Variants in VWC2 observed in about 807,000 individuals in gnomAD.
The protein encoded by VWC2 is von Willebrand factor C domain containing 2.
VWC2 carries 14 observed loss-of-function variants against 29.8 expected under a neutral mutation model. The ratio of observed to expected loss-of-function variants is 0.47; its 90% CI spans 0.31 to 0.74. The LOEUF is 0.74. VWC2 is among the 30% of genes least tolerant of loss of function. The pLI is 0.05. For synonymous variants in VWC2, 213 were observed against 199.0 expected (o/e 1.07, Z -0.59); for missense variants, 457 against 459.8 (o/e 0.99, Z 0.05).
At chr7:49,813,504 G>A (rs903298371) in intron 3 of VWC2, among the ~76,000 whole-genome samples, 4 of 152,086 alleles carry the variant, frequency 2.6e-5, no homozygotes, top group African/African-American at 2.4e-5. Flanking sequence ...CACTGCTTTC[G>A]GGCACTCACT....
At chr7:49,819,017 G>A (rs555402233) in intron 3 of VWC2, among the ~76,000 whole-genome samples, 5 of 152,104 alleles carry the variant, frequency 3.3e-5, no homozygotes, top group African/African-American at 7.2e-5. Context: ...CCCAAACTTC[G>A]CTTATCTCCT....
rs747598091 is a variant in VWC2, at chr7:49,827,071, CAA to C, written c.826+24232_826+24233del. 4.6e-5 allele frequency among the ~76,000 whole-genome samples: 7 copies of C among 152,024 alleles called. No homozygotes were observed. In the East Asian group the frequency reaches 5.8e-4, roughly 13 times the overall value. On this transcript the variant is annotated intron_variant, in intron 3 of 3. Coordinates refer to ENST00000340652, the MANE Select transcript of VWC2 (RefSeq NM_198570.5). ...ACACATTTCATTTTCATAATATTCC[CAA>C]GTTTTTACATATGCTTATTACAATT... is the stretch of plus-strand genomic sequence containing the variant.
At chr7:49,821,007 C>T (rs79141172) in intron 3 of VWC2, among the ~76,000 whole-genome samples, 1,846 of 152,260 alleles carry the variant, frequency 0.012, 29 homozygotes, top group African/African-American at 0.042. Flanking sequence ...CTGCCCAGCC[C>T]TCCCCGCCCA....
intron 2 of VWC2, among the ~76,000 whole-genome samples, chr7:49,778,041 A>T (rs1364833483): frequency 1.3e-5 from 2 of 150,778 alleles, no homozygotes; most frequent in Non-Finnish European, 1.5e-5. Context: ...TAGCACTTTG[A>T]TCTAGTAAGC....
At chr7:49,833,233 T>C (rs1789576698) in intron 3 of VWC2, among the ~76,000 whole-genome samples, 1 of 152,268 alleles carries the variant, frequency 6.6e-6, no homozygotes, top group Admixed American at 6.5e-5. Context: ...TGGAGGGAGA[T>C]GCAGAGTTCA....
intron 3 of VWC2, among the ~76,000 whole-genome samples, chr7:49,829,552 T>A (rs1789479820): frequency 6.6e-6 from 1 of 152,248 alleles, no homozygotes; most frequent in Admixed American, 6.5e-5. Context: ...GGGAAAGGGC[T>A]GATGTTTGGC....
At chr7:49,843,534 A>C (rs1239298881) in intron 3 of VWC2, among the ~76,000 whole-genome samples, 1 of 152,246 alleles carries the variant, frequency 6.6e-6, no homozygotes, top group African/African-American at 2.4e-5. Flanking sequence ...TATTTTACTC[A>C]AGTAAAAAAC....
At chr7:49,896,318 G>A (rs1490326654) in intron 3 of VWC2, among the ~76,000 whole-genome samples, 1 of 152,168 alleles carries the variant, frequency 6.6e-6, no homozygotes, top group Non-Finnish European at 1.5e-5. Flanking sequence ...TCTACCCTGA[G>A]TGAAAGAGCA....
rs1249911270 is a variant in VWC2 at position 49,912,851 on chromosome 7, G to A, written c.*666G>A. 3 of 152,144 alleles carry A rather than the reference G, an allele frequency of 2.0e-5. No homozygotes were observed. The highest frequency in any genetic ancestry group is 2.0e-4 in the Admixed American group (3 of 15,268). 9.4% of individuals were successfully genotyped at this position (152,144 alleles called of 1,614,324 possible). A position where few individuals can be genotyped will look rare whatever the true frequency, so the allele number is the denominator to read the frequency against. ...TCTCAGTTCTTTCCCCTAAGCTCCT[G>A]TATTGTACACCATAGGTAAGCACAT... On this transcript the variant is annotated 3_prime_UTR_variant, in exon 4 of 4. Coordinates refer to ENST00000340652, the MANE Select transcript of VWC2 (RefSeq NM_198570.5).
chr7:49,871,116 T>G (rs1208106797), intron 3 of VWC2, among the ~76,000 whole-genome samples: 1 of 152,168 alleles, frequency 6.6e-6, no homozygotes, highest in Non-Finnish European at 1.5e-5. Context: ...AAGTAGTATT[T>G]CATAAATACA....
intron 3 of VWC2, among the ~76,000 whole-genome samples, chr7:49,844,342 A>G (rs1270881974): frequency 6.6e-6 from 1 of 152,208 alleles, no homozygotes; most frequent in African/African-American, 2.4e-5. Flanking sequence ...TTAAGTTACT[A>G]AACTTTCCAT....
intron 3 of VWC2, among the ~76,000 whole-genome samples, chr7:49,889,281 A>G (rs912803651): frequency 2.3e-4 from 35 of 152,190 alleles, no homozygotes; most frequent in Admixed American, 1.6e-3. Context: ...TCAAGATGCT[A>G]CTTAGGCTTC....
intron 3 of VWC2, among the ~76,000 whole-genome samples, chr7:49,819,649 C>T (rs535523885): frequency 2.6e-5 from 4 of 152,250 alleles, no homozygotes; most frequent in Non-Finnish European, 5.9e-5. Flanking sequence ...GAGTAGTTCT[C>T]AAAGAGGTGG....
chr7:49,780,000 C>T (rs76104901), intron 2 of VWC2, among the ~76,000 whole-genome samples: 2,397 of 152,260 alleles, frequency 0.016, 32 homozygotes, highest in Middle Eastern at 0.031. Context: ...TAGCTACTGG[C>T]GTGAGGACTT....
rs182127700 is a variant in VWC2, at chr7:49,899,863, T to C, written c.827-12171T>C. On this transcript the variant is annotated intron_variant, in intron 3 of 3. Transcript: ENST00000340652. ...ATTGACTACTTCATCAACAATAGCA[T>C]AATACACATTATTCTCAAGATGATA... Among the ~76,000 whole-genome samples, 39 of 152,064 alleles carry C rather than the reference T, an allele frequency of 2.6e-4. 1 individual carries two copies. Among genetic ancestry groups the C allele is most frequent in the Admixed American group, 2.2e-3 (33 of 15,266 alleles).
At chr7:49,864,742 T>C (rs1324689298) in intron 3 of VWC2, among the ~76,000 whole-genome samples, 1 of 152,148 alleles carries the variant, frequency 6.6e-6, no homozygotes, top group African/African-American at 2.4e-5. Context: ...TTATGAATGC[T>C]GTCTGCTCCC....
intron 3 of VWC2, among the ~76,000 whole-genome samples, chr7:49,890,083 A>T (rs992672808): frequency 3.3e-5 from 5 of 152,130 alleles, no homozygotes; most frequent in African/African-American, 1.2e-4. Flanking sequence ...CAAAGCCTCA[A>T]TTTCCCACCT....
At chr7:49,843,513 G>A (rs967632093) in intron 3 of VWC2, among the ~76,000 whole-genome samples, 8 of 152,180 alleles carry the variant, frequency 5.3e-5, no homozygotes, top group South Asian at 2.1e-4. Context: ...ACTAATTCAC[G>A]ATAATTTGAC....
At chr7:49,826,788 G>T (rs1789402680) in intron 3 of VWC2, among the ~76,000 whole-genome samples, 1 of 152,086 alleles carries the variant, frequency 6.6e-6, no homozygotes, top group South Asian at 2.1e-4. Context: ...TCAAATGTTT[G>T]AAAATATTAT....
Sources: gnomAD v4.1 joint callset for allele counts (sites outside exome capture counted in the v4.1 genomes callset) on GRCh38, gnomAD v4.1.1 for gene constraint, MANE v1.5 for transcripts, NCBI Gene and HGNC (gene_info 2026-07-23, HGNC 2026-07-21) for gene names.